Variants in DISC1 observed in about 807,000 individuals in gnomAD.
The protein encoded by DISC1 is DISC1 scaffold protein.
Under a neutral mutation model 84.5 loss-of-function variants are expected in DISC1, and 57 were observed. The observed-to-expected ratio is 0.67, with a 90% CI of 0.55 to 0.84. The LOEUF (loss-of-function observed/expected upper bound fraction) is 0.84. DISC1 is among the 40% of genes least tolerant of loss of function. The pLI, the probability that DISC1 is intolerant of heterozygous loss-of-function variation, is 0.00. For missense variants in DISC1, 1,000 were observed against 1,057.8 expected (o/e 0.95, Z 0.76); for synonymous variants, 411 against 415.2 (o/e 0.99, Z 0.12).
chr1:231,973,325 C>T (rs1310038845), intron 10 of DISC1, among the ~76,000 whole-genome samples: 2 of 152,088 alleles, frequency 1.3e-5, no homozygotes, highest in Non-Finnish European at 2.9e-5. Flanking sequence ...GGATTATAGG[C>T]GTGAGCCACC....
At position 232,036,659 on chromosome 1, in the gene DISC1, A is replaced by G. The variant is rs761740854; in HGVS notation, c.2426-33A>G. On this transcript the variant is annotated intron_variant, in intron 12 of 12. Transcript: ENST00000439617. Reference sequence around the variant, plus strand: ...TCGGAGGCCGCAGAGGGCCACGATCACCTTCGAATGTGCTCCTTAACAATG... The same window carrying G: ...TCGGAGGCCGCAGAGGGCCACGATCGCCTTCGAATGTGCTCCTTAACAATG... The G allele has an allele frequency of 1.8e-5, 28 of 1,523,312 alleles. 1 individual carries two copies. In the East Asian group the frequency reaches 5.6e-4, roughly 31 times the overall value. The allele number at this position is 1,523,312 out of a possible 1,614,324, so 94.4% of individuals were successfully genotyped here.
intron 9 of DISC1, among the ~76,000 whole-genome samples, chr1:231,888,288 A>G (rs2086922604): frequency 6.6e-6 from 1 of 152,178 alleles, no homozygotes; most frequent in Non-Finnish European, 1.5e-5. Flanking sequence ...CTGGGCTCTC[A>G]GGTGGAGGCT....
intron 9 of DISC1, among the ~76,000 whole-genome samples, chr1:231,951,028 T>G (rs555686336): frequency 6.6e-6 from 1 of 152,284 alleles, no homozygotes; most frequent in East Asian, 1.9e-4. Context: ...ACAGTGGAAG[T>G]GGAGGCATCA....
At chr1:232,024,306 A>G (rs1054403776) in intron 11 of DISC1, among the ~76,000 whole-genome samples, 6 of 152,162 alleles carry the variant, frequency 3.9e-5, no homozygotes, top group African/African-American at 1.4e-4. Flanking sequence ...GACTTCTCCA[A>G]TATTTACAAG....
At chr1:231,846,690 T>C (rs1421111579) in intron 9 of DISC1, among the ~76,000 whole-genome samples, 3 of 152,206 alleles carry the variant, frequency 2.0e-5, no homozygotes, top group Non-Finnish European at 4.4e-5. Flanking sequence ...TAAGGCAACA[T>C]AGTAACTAAA....
At chr1:231,916,633 C>T (rs1379345047) in intron 9 of DISC1, among the ~76,000 whole-genome samples, 5 of 127,176 alleles carry the variant, frequency 3.9e-5, no homozygotes, top group Admixed American at 9.5e-5. Context: ...CCAGCCTGGG[C>T]GACAGAGCGA....
intron 9 of DISC1, among the ~76,000 whole-genome samples, chr1:231,910,361 T>G (rs1216605753): frequency 6.6e-6 from 1 of 152,208 alleles, no homozygotes; most frequent in East Asian, 1.9e-4. Context: ...TCCCAGAGAT[T>G]CTGGTATGTT....
At chr1:231,634,816 C>T (rs1337572778) in intron 1 of DISC1, among the ~76,000 whole-genome samples, 5 of 151,822 alleles carry the variant, frequency 3.3e-5, no homozygotes, top group East Asian at 3.9e-4. Context: ...AAGGCTGGGG[C>T]GGGAGGATTG....
intron 11 of DISC1, among the ~76,000 whole-genome samples, chr1:232,018,711 G>A (rs892952576): frequency 3.3e-5 from 5 of 152,176 alleles, no homozygotes; most frequent in African/African-American, 1.2e-4. Flanking sequence ...TTGCCTGGCT[G>A]AGTCGGTGCT....
intron 5 of DISC1, among the ~76,000 whole-genome samples, chr1:231,768,307 A>G (rs2076306815): frequency 1.3e-5 from 2 of 152,148 alleles, no homozygotes; most frequent in African/African-American, 4.8e-5. Flanking sequence ...GAGGCTTCCC[A>G]TCTCTGATCT....
At chr1:231,703,791 C>T (rs2066704056) in intron 3 of DISC1, among the ~76,000 whole-genome samples, 2 of 152,294 alleles carry the variant, frequency 1.3e-5, no homozygotes, top group East Asian at 3.9e-4. Flanking sequence ...TTTTTCTGTT[C>T]CTGTTGGTAC....
chr1:231,867,689 T>G (rs748724821), intron 9 of DISC1, among the ~76,000 whole-genome samples: 3 of 152,246 alleles, frequency 2.0e-5, no homozygotes, highest in Non-Finnish European at 4.4e-5. Flanking sequence ...GTCAGCAGTT[T>G]TCCTCTCCTG....
chr1:231,772,479 A>T (rs1033295139), intron 6 of DISC1, among the ~76,000 whole-genome samples: 19 of 151,828 alleles, frequency 1.3e-4, no homozygotes, highest in Admixed American at 9.8e-4. Context: ...GAGAATACGG[A>T]CTCTGCCACC....
chr1:231,752,991 C>T (rs2074772702), intron 4 of DISC1, among the ~76,000 whole-genome samples: 1 of 152,264 alleles, frequency 6.6e-6, no homozygotes, highest in Non-Finnish European at 1.5e-5. Context: ...TTGGGCAGCC[C>T]TGCCCTTGTG....
chr1:231,661,191 C>T (rs769807348), intron 1 of DISC1, among the ~76,000 whole-genome samples: 30 of 149,760 alleles, frequency 2.0e-4, no homozygotes, highest in East Asian at 3.9e-4. Flanking sequence ...TTTTTCATTT[C>T]GACCTGGAGA....
chr1:231,948,872 T>C (rs1013643273), intron 9 of DISC1, among the ~76,000 whole-genome samples: 2 of 144,846 alleles, frequency 1.4e-5, no homozygotes, highest in African/African-American at 5.1e-5. Context: ...TTTTTTTTTT[T>C]TTTTTTTTTT....
rs534729989 is a variant in DISC1 at position 231,863,009 on chromosome 1, T to C, written c.1981+44492T>C. On this transcript the variant is annotated intron_variant, in intron 9 of 12. Coordinates refer to ENST00000439617, the MANE Select transcript of DISC1 (RefSeq NM_018662.3). ...TTAGTCTCTGACTCTGCAAAGGACT[T>C]ATATGGCTTTTGTATAATAAAGTCG... 3.9e-5 allele frequency among the ~76,000 whole-genome samples: 6 copies of C among 152,172 alleles called. No homozygotes were observed. The East Asian group carries it at 1.2e-3, about 29-fold the overall frequency.
intron 9 of DISC1, among the ~76,000 whole-genome samples, chr1:231,940,119 C>T (rs1434445539): frequency 1.3e-5 from 2 of 152,098 alleles, no homozygotes; most frequent in Non-Finnish European, 2.9e-5. Flanking sequence ...CCTCCACCTC[C>T]ACTGAGAAAG....
intron 1 of DISC1, 83 bp from the exon 2 acceptor site, chr1:231,693,743 C>T (rs747346597): frequency 6.2e-6 from 10 of 1,602,616 alleles, no homozygotes; most frequent in Non-Finnish European, 8.5e-6. Context: ...GACCTTTAAA[C>T]CTAGGGATGT....
Sources: gnomAD v4.1 joint callset for allele counts (sites outside exome capture counted in the v4.1 genomes callset) on GRCh38, gnomAD v4.1.1 for gene constraint, MANE v1.5 for transcripts, NCBI Gene and HGNC (gene_info 2026-07-23, HGNC 2026-07-21) for gene names.